Variants in VCF2 observed in about 807,000 individuals in gnomAD.
The protein encoded by VCF2 is protein VCF2.
chrX:55,157,389 C>T, the VCF2 span, among the ~76,000 whole-genome samples: 1 of 111,433 alleles, frequency 9.0e-6, no homozygotes, highest in African/African-American at 3.3e-5. Flanking sequence ...GAAAACTAGC[C>T]GGCCATGGTG....
the VCF2 span, among the ~76,000 whole-genome samples, chrX:55,157,509 G>A: frequency 8.9e-6 from 1 of 111,986 alleles, no homozygotes; most frequent in East Asian, 2.8e-4. Context: ...CTCCAGCCTG[G>A]GTGACCCAGT....
the VCF2 span, chrX:55,146,220 G>C: frequency 8.3e-7 from 1 of 1,209,558 alleles, no homozygotes; most frequent in African/African-American, 1.8e-5. Flanking sequence ...ATCGGGTTCA[G>C]TAACAATCTG....
the VCF2 span, chrX:55,143,819 T>C: frequency 2.5e-6 from 3 of 1,208,558 alleles, no homozygotes; most frequent in Non-Finnish European, 3.4e-6. Context: ...AGTATTGAGT[T>C]TTATTTCAGG....
the VCF2 span, among the ~76,000 whole-genome samples, chrX:55,147,138 A>G: frequency 8.9e-6 from 1 of 112,100 alleles, no homozygotes; most frequent in Admixed American, 9.5e-5. Flanking sequence ...CCAAAAGAAG[A>G]AGGTAATGGC....
At chrX:55,143,795 C>T in the VCF2 span, 5 of 1,199,757 alleles carry the variant, frequency 4.2e-6, no homozygotes, top group Non-Finnish European at 4.5e-6. Flanking sequence ...AGCTTGGTTC[C>T]TTCCCTGCTG....
the VCF2 span, chrX:55,145,910 A>G: frequency 9.9e-7 from 1 of 1,007,462 alleles, no homozygotes; most frequent in Admixed American, 4.5e-5. Context: ...AATTTCATAA[A>G]CATTTATTCA....
At chrX:55,156,363 T>C in the VCF2 span, among the ~76,000 whole-genome samples, 1 of 111,942 alleles carries the variant, frequency 8.9e-6, no homozygotes, top group African/African-American at 3.3e-5. Flanking sequence ...TCCTAATACA[T>C]AGTCTATCCC....
the VCF2 span, among the ~76,000 whole-genome samples, chrX:55,158,937 T>C: frequency 1.8e-5 from 2 of 112,170 alleles, no homozygotes. Context: ...AGTTTTTCTG[T>C]GCTTCTTTTC....
At chrX:55,151,244 A>G in the VCF2 span, among the ~76,000 whole-genome samples, 4 of 112,618 alleles carry the variant, frequency 3.6e-5, no homozygotes, top group African/African-American at 1.3e-4. Context: ...GGCAGATCCA[A>G]ACAGATTACT....
At chrX:55,155,073 G>A in the VCF2 span, among the ~76,000 whole-genome samples, 1 of 111,875 alleles carries the variant, frequency 8.9e-6, no homozygotes, top group East Asian at 2.8e-4. Context: ...TAGGAAGGGT[G>A]TGACAAATGG....
At chrX:55,147,631 C>CTTT in the VCF2 span, among the ~76,000 whole-genome samples, 10 of 68,566 alleles carry the variant, frequency 1.5e-4, no homozygotes, top group African/African-American at 4.5e-4. Context: ...GTTGGCTTTC[C>CTTT]TTGTTTTTTT....
At chrX:55,152,288 T>C in the VCF2 span, among the ~76,000 whole-genome samples, 1 of 112,276 alleles carries the variant, frequency 8.9e-6, no homozygotes, top group Non-Finnish European at 1.9e-5. Flanking sequence ...AACACTTTCA[T>C]ACCTGCCTAC....
At chrX:55,159,044 A>T in the VCF2 span, 1 of 775,380 alleles carries the variant, frequency 1.3e-6, no homozygotes, top group Non-Finnish European at 1.8e-6. Flanking sequence ...TTGGAATAAT[A>T]CATTTCTTTT....
At chrX:55,151,502 T>C in the VCF2 span, among the ~76,000 whole-genome samples, 5 of 112,769 alleles carry the variant, frequency 4.4e-5, no homozygotes, top group Non-Finnish European at 9.4e-5. Context: ...TAATCTGAGA[T>C]TCCTTATGGA....
At chrX:55,146,210 A>G in the VCF2 span, 1 of 1,211,479 alleles carries the variant, frequency 8.3e-7, no homozygotes, top group East Asian at 3.0e-5. Flanking sequence ...GAAAGTTTGC[A>G]TCGGGTTCAG....
the VCF2 span, chrX:55,146,462 A>G: frequency 6.6e-4 from 331 of 503,292 alleles, no homozygotes; most frequent in African/African-American, 6.2e-3. Context: ...TATCCTCACA[A>G]TAACCCTTTA....
At chrX:55,155,196 G>A in the VCF2 span, among the ~76,000 whole-genome samples, 1 of 112,231 alleles carries the variant, frequency 8.9e-6, no homozygotes, top group Admixed American at 9.4e-5. Context: ...AAATATGCAA[G>A]AGAAGATACG....
chrX:55,151,571 A>T, the VCF2 span, among the ~76,000 whole-genome samples: 2 of 112,697 alleles, frequency 1.8e-5, no homozygotes, highest in African/African-American at 6.4e-5. Context: ...TGCTGACTTT[A>T]TACAAATACT....
chrX:55,144,759 T>G, the VCF2 span, among the ~76,000 whole-genome samples: 1 of 112,929 alleles, frequency 8.9e-6, no homozygotes, highest in Non-Finnish European at 1.9e-5. Flanking sequence ...TGTAGAGCTA[T>G]CCATAGTTCT....
Sources: gnomAD v4.1 joint callset for allele counts (sites outside exome capture counted in the v4.1 genomes callset) on GRCh38, gnomAD v4.1.1 for gene constraint, MANE v1.5 for transcripts, NCBI Gene and HGNC (gene_info 2026-07-23, HGNC 2026-07-21) for gene names.